Variants in POLR2G observed in about 807,000 individuals in gnomAD.
POLR2G encodes RNA polymerase II subunit G.
In POLR2G, 19 loss-of-function variants were observed where a neutral mutation model predicts 25.7. That is an observed-to-expected ratio of 0.74 (90% CI 0.52 to 1.08). POLR2G has a LOEUF of 1.08. Among genes scored for constraint, POLR2G ranks in the 50% least tolerant of loss-of-function variants. POLR2G has a pLI of 0.00. For synonymous variants in POLR2G, 79 were observed against 76.0 expected, an observed-to-expected ratio of 1.04 and a Z score of -0.21; for missense variants, 123 against 218.5, an observed-to-expected ratio of 0.56 and a Z score of 2.76.
Position 62,765,540 on chromosome 11 carries a change from A to G in POLR2G, c.400-113A>G, listed in dbSNP as rs2084111266. On this transcript the variant is annotated intron_variant, in intron 5 of 7. Coordinates refer to ENST00000301788, the MANE Select transcript of POLR2G (RefSeq NM_002696.3). Reference sequence around the variant, plus strand: ...TGATTCATGATTTTATGACTTTACGATGGTGTGAAAGTGATGTGCATTCAA... The same window carrying G: ...TGATTCATGATTTTATGACTTTACGGTGGTGTGAAAGTGATGTGCATTCAA... 3 of 1,094,370 alleles carry G rather than the reference A, an allele frequency of 2.7e-6. No homozygotes were observed. In the South Asian group the frequency reaches 3.7e-5, roughly 14 times the overall value. 67.8% of individuals were successfully genotyped at this position (1,094,370 alleles called of 1,614,324 possible).
rs1032184027 is a variant in POLR2G, at chr11:62,766,594, G to T, written c.*87G>T. ...TGTCCAGAGGTCCAGTCTGGCTGCT[G>T]TTGTGGAGGCAAGGAAGGCAACTCA... On this transcript the variant is annotated 3_prime_UTR_variant, in exon 8 of 8. Transcript: ENST00000301788. The T allele has an allele frequency of 2.3e-6, 3 of 1,330,300 alleles. No individual in the cohort carries two copies. The highest frequency in any genetic ancestry group is 3.2e-6 in the Non-Finnish European group (3 of 927,650). 82.4% of individuals were successfully genotyped at this position (1,330,300 alleles called of 1,614,324 possible).
At chr11:62,763,443 C>T (rs2084099144) in intron 3 of POLR2G, among the ~76,000 whole-genome samples, 1 of 151,834 alleles carries the variant, frequency 6.6e-6, no homozygotes, top group African/African-American at 2.4e-5. Flanking sequence ...TACAGGTGCC[C>T]ACCACCACGC....
intron 6 of POLR2G, 42 bp from the exon 7 acceptor site, chr11:62,766,201 G>A (rs1590929115): frequency 1.9e-6 from 3 of 1,593,354 alleles, no homozygotes; most frequent in Non-Finnish European, 2.6e-6. Flanking sequence ...TTGGTTCTGT[G>A]CTCATCTTGG....
At chr11:62,765,981 G>A (rs924847715) in intron 6 of POLR2G, among the ~76,000 whole-genome samples, 1 of 151,910 alleles carries the variant, frequency 6.6e-6, no homozygotes, top group African/African-American at 2.4e-5. Context: ...TACAGACAGG[G>A]TTTCACCATG....
chr11:62,762,565 C>A, intron 2 of POLR2G: 1 of 492,774 alleles, frequency 2.0e-6, no homozygotes, highest in Non-Finnish European at 4.0e-6. Context: ...TGGGGCAGAC[C>A]TGAGAATCTG....
In POLR2G at chr11:62,766,519, T is replaced by G; in HGVS notation, c.*12T>G. 1 of 1,612,854 alleles carries G rather than the reference T, an allele frequency of 6.2e-7. No homozygotes were observed. Among genetic ancestry groups the G allele is most frequent in the Non-Finnish European group, 8.5e-7 (1 of 1,178,934 alleles). ...GGCTTGTAAGCTGAGCCTGGTGGCC[T>G]CCTACCCTTGGTCCTACTCTAGGAA... On this transcript the variant is annotated 3_prime_UTR_variant, in exon 8 of 8. Coordinates refer to ENST00000301788, the MANE Select transcript of POLR2G (RefSeq NM_002696.3).
rs2084117499 is a variant in POLR2G, at chr11:62,766,692, A to T, written c.*185A>T. The T allele has an allele frequency of 1.7e-6, 1 of 588,794 alleles. No individual in the cohort carries two copies. The allele number at this position is 588,794 out of a possible 1,614,324, so 36.5% of individuals were successfully genotyped here. A position where few individuals can be genotyped will look rare whatever the true frequency, so the allele number is the denominator to read the frequency against. ...ATTTTTCAGTATGTGTTCTAAGTAT[A>T]AAAAGTCCTTGGTTCTCATGGAAGT... On this transcript the variant is annotated 3_prime_UTR_variant, in exon 8 of 8. Coordinates refer to ENST00000301788, the MANE Select transcript of POLR2G (RefSeq NM_002696.3).
intron 3 of POLR2G, among the ~76,000 whole-genome samples, chr11:62,763,970 G>A (rs1003446597): frequency 8.0e-5 from 12 of 150,552 alleles, no homozygotes; most frequent in Non-Finnish European, 1.0e-4. Flanking sequence ...TCGAACTCCC[G>A]ACCTCAGGTG....
chr11:62,765,570 C>T (rs575596590), intron 5 of POLR2G, 83 bp from the exon 6 acceptor site: 11 of 1,119,366 alleles, frequency 9.8e-6, no homozygotes, highest in Admixed American at 3.4e-5. Flanking sequence ...ATTCAATATG[C>T]CCCCGGGCTT....
In POLR2G at chr11:62,762,581, TAAG is replaced by T. The variant is rs1278072294; in HGVS notation, c.123-281_123-279del. 18 of 517,470 alleles carry T rather than the reference TAAG, an allele frequency of 3.5e-5. No homozygotes were observed. The East Asian group carries it at 6.6e-4, about 19-fold the overall frequency. The allele number at this position is 517,470 out of a possible 1,614,324, so 32.1% of individuals were successfully genotyped here. A position where few individuals can be genotyped will look rare whatever the true frequency, so the allele number is the denominator to read the frequency against. On this transcript the variant is annotated intron_variant, in intron 2 of 7. Transcript: ENST00000301788. ...GGGGCAGACCTGAGAATCTGCATTT[TAAG>T]AAGATGATTCTCAGGCATCCCGAAG...
intron 3 of POLR2G, 94 bp from the exon 4 acceptor site, chr11:62,765,088 A>C (rs1468849886): frequency 2.0e-6 from 2 of 1,021,328 alleles, no homozygotes; most frequent in Non-Finnish European, 3.1e-6. Context: ...GAAACTCCTG[A>C]CCTCGTGATC....
intron 2 of POLR2G, 80 bp downstream of exon 2, chr11:62,761,984 T>A: frequency 9.7e-7 from 1 of 1,030,012 alleles, no homozygotes; most frequent in South Asian, 1.3e-5. Flanking sequence ...CCCCAACTCC[T>A]ACTCGTCCTG....
At chr11:62,762,794 G>C in intron 2 of POLR2G, 73 bp from the exon 3 acceptor site, 1 of 1,289,552 alleles carries the variant, frequency 7.8e-7, no homozygotes, top group Non-Finnish European at 1.1e-6. Flanking sequence ...CAAGAGCTCA[G>C]CGACTTTTAT....
intron 2 of POLR2G, 93 bp downstream of exon 2, chr11:62,761,997 A>G (rs527930633): frequency 1.6e-5 from 15 of 949,012 alleles, no homozygotes; most frequent in Middle Eastern, 2.8e-4. Flanking sequence ...TCGTCCTGCC[A>G]CCCACTCTGG....
intron 3 of POLR2G, 27 bp downstream of exon 3, chr11:62,763,053 G>T (rs774913693): frequency 1.7e-5 from 26 of 1,524,064 alleles, no homozygotes; most frequent in Non-Finnish European, 1.8e-6. Flanking sequence ...GGGAGGCAGT[G>T]GGGTAGTCTC....
At chr11:62,766,362 A>G (rs2084115868) in intron 7 of POLR2G, 86 bp downstream of exon 7, 1 of 1,517,912 alleles carries the variant, frequency 6.6e-7, no homozygotes, top group African/African-American at 1.4e-5. Flanking sequence ...CAATGCCCAA[A>G]TCAGAGAGAC....
chr11:62,761,745 C>T (rs1010544385), intron 1 of POLR2G, 50 bp from the exon 2 acceptor site: 4 of 1,606,150 alleles, frequency 2.5e-6, no homozygotes, highest in East Asian at 4.5e-5. Context: ...CCTTGTCGTC[C>T]AATAACCTGC....
intron 3 of POLR2G, among the ~76,000 whole-genome samples, 156 bp from the exon 4 acceptor site, chr11:62,765,025 AT>A (rs2084108075): frequency 6.6e-6 from 1 of 152,120 alleles, no homozygotes; most frequent in South Asian, 2.1e-4. Context: ...TGCCCGGCTA[AT>A]TTTTGTATTT....
Position 62,761,842 on chromosome 11 carries a change from C to T in POLR2G, c.60C>T (p.Pro20=). 1 of 1,613,924 alleles carries T rather than the reference C, an allele frequency of 6.2e-7. No individual in the cohort carries two copies. Among genetic ancestry groups the T allele is most frequent in the Non-Finnish European group, 8.5e-7 (1 of 1,180,026 alleles). The change falls in exon 2 of 8, where the codon CCC becomes CCT. Residue 20 remains proline (P), a synonymous_variant. Transcript: ENST00000301788. ...EILLHPRYFG[P]NLLNTVKQKL... is the part of the protein sequence containing the mutation. ...TGCTGCACCCGCGCTACTTCGGCCC[C>T]AACTTGCTCAACACGGTGAAGCAGA...
Sources: allele counts gnomAD v4.1 joint callset (sites outside exome capture counted in the v4.1 genomes callset), GRCh38; gene constraint gnomAD v4.1.1; transcripts MANE v1.5; gene names NCBI Gene and HGNC (gene_info 2026-07-23, HGNC 2026-07-21).